COX10: variants seen among roughly 807,000 people sequenced by gnomAD.
COX10 encodes protoheme IX farnesyltransferase, mitochondrial.
A neutral mutation model predicts 37.3 loss-of-function variants in COX10; 27 were observed. The observed-to-expected ratio is 0.72, with a 90% CI of 0.53 to 1.00. COX10 has a LOEUF of 1.00. COX10 is among the 50% of genes least tolerant of loss of function. COX10 has a pLI of 0.00. For synonymous variants in COX10, 222 were observed against 229.1 expected (o/e 0.97, Z 0.28); for missense variants, 475 against 563.2 (o/e 0.84, Z 1.59).
At chr17:14,102,620 C>G (rs979275224) in intron 4 of COX10, among the ~76,000 whole-genome samples, 2 of 152,018 alleles carry the variant, frequency 1.3e-5, no homozygotes, top group African/African-American at 4.8e-5. Flanking sequence ...CATTTTAAAC[C>G]ACTGCTATAA....
intron 3 of COX10, among the ~76,000 whole-genome samples, chr17:14,097,018 T>C (rs1014945367): frequency 6.6e-6 from 1 of 152,140 alleles, no homozygotes; most frequent in Non-Finnish European, 1.5e-5. Context: ...ATTGGCAACA[T>C]TGATTTTATG....
At chr17:14,115,146 A>G (rs1916081161) in intron 4 of COX10, among the ~76,000 whole-genome samples, 1 of 152,152 alleles carries the variant, frequency 6.6e-6, no homozygotes, top group African/African-American at 2.4e-5. Flanking sequence ...AAACTCAACA[A>G]TTAAAAGGGG....
At chr17:14,081,952 A>G (rs1447563815) in intron 3 of COX10, among the ~76,000 whole-genome samples, 1 of 152,186 alleles carries the variant, frequency 6.6e-6, no homozygotes, top group Non-Finnish European at 1.5e-5. Flanking sequence ...AATTTTGGAT[A>G]AGTGGAATTT....
At chr17:14,143,881 T>G (rs1220465955) in intron 4 of COX10, among the ~76,000 whole-genome samples, 1 of 152,134 alleles carries the variant, frequency 6.6e-6, no homozygotes, top group Non-Finnish European at 1.5e-5. Context: ...TGCTGATGAT[T>G]AAGCCAACAG....
At chr17:14,152,804 G>A (rs1267454324) in intron 4 of COX10, among the ~76,000 whole-genome samples, 1 of 152,186 alleles carries the variant, frequency 6.6e-6, no homozygotes, top group Non-Finnish European at 1.5e-5. Flanking sequence ...CCACCAAGGA[G>A]CAGCACACAT....
Position 14,076,929 on chromosome 17 carries a change from C to T in COX10, c.372C>T (p.Asp124=), listed in dbSNP as rs901162935. Residue 124 remains aspartate, a synonymous_variant, in exon 3 of 7, where the codon GAC becomes GAT. Coordinates refer to ENST00000261643, the MANE Select transcript of COX10 (RefSeq NM_001303.4). The part of the protein sequence containing the change: ...NEKELIELEP[D]SVIEDSIDVG... ...AGGAATTGATAGAACTAGAGCCAGA[C>T]TCAGTAATTGAAGACTCAATAGATG... is the stretch of plus-strand genomic sequence containing the variant. 6.2e-7 allele frequency: 1 copy of T among 1,613,996 alleles called. No individual in the cohort carries two copies. The highest frequency in any genetic ancestry group is 8.5e-7 in the Non-Finnish European group (1 of 1,180,024).
intron 3 of COX10, among the ~76,000 whole-genome samples, chr17:14,082,346 G>A (rs2142186458): frequency 6.6e-6 from 1 of 152,306 alleles, no homozygotes; most frequent in Non-Finnish European, 1.5e-5. Flanking sequence ...GCTCGTGAGA[G>A]TCATTTTATT....
chr17:14,183,576 A>G (rs1468823339), intron 5 of COX10, among the ~76,000 whole-genome samples: 1 of 152,274 alleles, frequency 6.6e-6, no homozygotes, highest in Non-Finnish European at 1.5e-5. Context: ...TTTGTATGTG[A>G]TCAATCTAGC....
intron 3 of COX10, among the ~76,000 whole-genome samples, chr17:14,078,600 A>T (rs1029366614): frequency 1.3e-5 from 2 of 152,052 alleles, no homozygotes; most frequent in Non-Finnish European, 2.9e-5. Context: ...CTGCCATCCT[A>T]GTTTACATTG....
At chr17:14,150,956 G>A (rs889331224) in intron 4 of COX10, among the ~76,000 whole-genome samples, 3 of 152,130 alleles carry the variant, frequency 2.0e-5, no homozygotes, top group African/African-American at 7.2e-5. Context: ...TACTGCATTT[G>A]TCTTTTGTTG....
chr17:14,145,996 T>C (rs774992594), intron 4 of COX10, among the ~76,000 whole-genome samples: 3 of 152,156 alleles, frequency 2.0e-5, no homozygotes, highest in Non-Finnish European at 4.4e-5. Flanking sequence ...ACTTTATTAG[T>C]TTACCTAAAG....
At chr17:14,156,524 G>A (rs558142666) in intron 4 of COX10, among the ~76,000 whole-genome samples, 87 of 152,230 alleles carry the variant, frequency 5.7e-4, no homozygotes, top group Non-Finnish European at 9.6e-4. Flanking sequence ...CACCGTGCCC[G>A]GCCTAAATCT....
intron 6 of COX10, among the ~76,000 whole-genome samples, chr17:14,200,213 T>C (rs984519377): frequency 1.3e-5 from 2 of 152,146 alleles, no homozygotes; most frequent in African/African-American, 4.8e-5. Context: ...GATTTTTGTC[T>C]CCATTCCATT....
chr17:14,152,814 T>A (rs1351956277), intron 4 of COX10, among the ~76,000 whole-genome samples: 1 of 152,140 alleles, frequency 6.6e-6, no homozygotes, highest in Non-Finnish European at 1.5e-5. Flanking sequence ...GCAGCACACA[T>A]ACTTGGCCCA....
At chr17:14,100,745 G>A (rs150211601) in intron 3 of COX10, among the ~76,000 whole-genome samples, 147 of 152,336 alleles carry the variant, frequency 9.6e-4, no homozygotes, top group African/African-American at 3.3e-3. Context: ...AAGCAGCGAT[G>A]TGATTTGATC....
At chr17:14,151,318 G>A (rs1213808639) in intron 4 of COX10, among the ~76,000 whole-genome samples, 1 of 152,104 alleles carries the variant, frequency 6.6e-6, no homozygotes, top group African/African-American at 2.4e-5. Context: ...TGAACCATGA[G>A]TCTTGGTTAG....
At chr17:14,135,836 G>A (rs1335583502) in intron 4 of COX10, among the ~76,000 whole-genome samples, 3 of 151,900 alleles carry the variant, frequency 2.0e-5, no homozygotes, top group African/African-American at 7.2e-5. Context: ...CTCAGGAAAA[G>A]TAAAGGCATT....
chr17:14,116,589 T>C (rs1320910873), intron 4 of COX10, among the ~76,000 whole-genome samples: 1 of 152,130 alleles, frequency 6.6e-6, no homozygotes, highest in Non-Finnish European at 1.5e-5. Context: ...CATCAATGAC[T>C]CCTGGTTTCT....
At chr17:14,085,457 G>T (rs1197198326) in intron 3 of COX10, among the ~76,000 whole-genome samples, 1 of 151,784 alleles carries the variant, frequency 6.6e-6, no homozygotes, top group East Asian at 1.9e-4. Flanking sequence ...CCATTTCCTT[G>T]TTAATGGACA....
Sources: allele counts gnomAD v4.1 joint callset (sites outside exome capture counted in the v4.1 genomes callset), GRCh38; gene constraint gnomAD v4.1.1; transcripts MANE v1.5; gene names NCBI Gene and HGNC (gene_info 2026-07-23, HGNC 2026-07-21).